The following STK3 variants were observed in gnomAD, a reference collection of about 807,000 sequenced individuals.
STK3 encodes serine/threonine kinase 3, also known as serine/threonine-protein kinase 3.
A neutral mutation model predicts 58.0 loss-of-function variants in STK3; 41 were observed. The observed-to-expected ratio is 0.71, with a 90% CI of 0.55 to 0.92. STK3 has a LOEUF of 0.92. STK3 is among the 40% of genes least tolerant of loss of function. STK3 has a pLI of 0.00. For missense variants in STK3, 479 were observed against 602.7 expected, an observed-to-expected ratio of 0.79 and a Z score of 2.15; for synonymous variants, 170 against 191.0, an observed-to-expected ratio of 0.89 and a Z score of 0.91.
In STK3 at chr8:98,855,364, T is replaced by C. The variant is rs374767208; in HGVS notation, c.110+28283A>G. ...GTCTAGAAATAAATTTATATATCTA[T>C]GGCCAATCAACTGATTTTTGACAAA... is the stretch of plus-strand genomic sequence containing the variant. On this transcript the variant is annotated intron_variant, in intron 3 of 12. Transcript: ENST00000523601. 1.4e-4 allele frequency among the ~76,000 whole-genome samples: 22 copies of C among 152,318 alleles called. No homozygotes were observed. The East Asian group carries it at 3.3e-3, about 23-fold the overall frequency.
At chr8:98,451,294 C>T (rs1376505960), downstream of STK3, among the ~76,000 whole-genome samples, 2 of 152,144 alleles carry the variant, frequency 1.3e-5, no homozygotes, top group African/African-American at 4.8e-5. Context: ...CACCAAGTCT[C>T]TGCCGTCAGG....
chr8:98,937,661 A>G (rs879517185), intron 1 of STK3, among the ~76,000 whole-genome samples: 4 of 152,198 alleles, frequency 2.6e-5, no homozygotes, highest in Non-Finnish European at 5.9e-5. Flanking sequence ...ACTCAAGAAA[A>G]CTGTTGAAAA....
intron 3 of STK3, among the ~76,000 whole-genome samples, chr8:98,869,710 T>A (rs981498293): frequency 6.6e-5 from 10 of 151,960 alleles, no homozygotes; most frequent in African/African-American, 2.4e-4. Flanking sequence ...TTTATTTTTT[T>A]AAAATTTGAA....
intron 7 of STK3, among the ~76,000 whole-genome samples, chr8:98,582,058 G>C (rs1334497593): frequency 1.3e-5 from 2 of 152,076 alleles, no homozygotes; most frequent in Non-Finnish European, 2.9e-5. Context: ...CAAAATTTAA[G>C]AGGAAATATT....
chr8:98,456,094 T>C, intron 10 of STK3, 94 bp from the exon 11 acceptor site: 2 of 1,225,914 alleles, frequency 1.6e-6, no homozygotes, highest in South Asian at 1.5e-5. Context: ...TAATGAGTTT[T>C]AACATAAATA....
At chr8:98,915,470 A>ATATATATATATATAT (rs1839314010) in intron 1 of STK3, among the ~76,000 whole-genome samples, 3 of 136,134 alleles carry the variant, frequency 2.2e-5, no homozygotes, top group African/African-American at 2.9e-5. Flanking sequence ...ATATATATAT[A>ATATATATATATATAT]GTTCTGTCCT....
chr8:98,465,531 T>G (rs763985882), intron 10 of STK3, among the ~76,000 whole-genome samples: 2 of 152,232 alleles, frequency 1.3e-5, no homozygotes, highest in Non-Finnish European at 2.9e-5. Flanking sequence ...AGTGCATATG[T>G]GTTAATTAAG....
At chr8:98,657,689 T>C (rs1385439487) in intron 6 of STK3, among the ~76,000 whole-genome samples, 2 of 152,064 alleles carry the variant, frequency 1.3e-5, no homozygotes, top group African/African-American at 4.8e-5. Flanking sequence ...TCAGATAAAG[T>C]ACTCAGGATT....
At position 98,940,603 on chromosome 8, in the gene STK3, C is replaced by A. The variant is rs367815123; in HGVS notation, c.-79+1775G>T. 2.3e-4 allele frequency among the ~76,000 whole-genome samples: 35 copies of A among 152,286 alleles called. No homozygotes were observed. The East Asian group carries it at 3.7e-3, about 16-fold the overall frequency. On this transcript the variant is annotated intron_variant, in intron 1 of 1. Transcript: ENST00000519420. ...CTCAGCTCCCGCAGACGCGGGAAGGCCCCCGCGCCATCCGTGGGAGTGGGG... is the reference window on the plus strand; with the variant it reads ...CTCAGCTCCCGCAGACGCGGGAAGGACCCCGCGCCATCCGTGGGAGTGGGG...
At chr8:98,867,134 T>A (rs1837174201) in intron 3 of STK3, among the ~76,000 whole-genome samples, 1 of 152,206 alleles carries the variant, frequency 6.6e-6, no homozygotes, top group Non-Finnish European at 1.5e-5. Flanking sequence ...ATGGGGAAAC[T>A]GGCCTGGCGC....
chr8:98,400,413 G>A (rs1201317816), downstream of STK3, among the ~76,000 whole-genome samples: 4 of 152,200 alleles, frequency 2.6e-5, no homozygotes, highest in Admixed American at 2.0e-4. Flanking sequence ...CACAGCAGGC[G>A]CCTGCCGTAC....
chr8:98,675,951 C>T (rs73277806), intron 6 of STK3, among the ~76,000 whole-genome samples: 2,678 of 151,930 alleles, frequency 0.018, 75 homozygotes, highest in African/African-American at 0.062. Flanking sequence ...AAGGTGGAAA[C>T]AATCGAAGTT....
At chr8:98,602,709 A>G (rs895592378) in intron 6 of STK3, among the ~76,000 whole-genome samples, 8 of 152,190 alleles carry the variant, frequency 5.3e-5, no homozygotes, top group Non-Finnish European at 7.4e-5. Context: ...AAATCCTGCT[A>G]AAGTACAGTA....
At chr8:98,390,089 G>A (rs896020226), upstream of STK3, among the ~76,000 whole-genome samples, 4 of 152,056 alleles carry the variant, frequency 2.6e-5, no homozygotes, top group Admixed American at 2.0e-4. Context: ...TCAATAAACT[G>A]TTTCCAGTCA....
intron 6 of STK3, chr8:98,651,565 C>T (rs1820934008): frequency 6.6e-6 from 1 of 152,578 alleles, no homozygotes; most frequent in Non-Finnish European, 1.5e-5. Context: ...GAAATTCAAA[C>T]CAAAGGCAAA....
chr8:98,394,979 G>A (rs928172446), intron 3 of STK3, among the ~76,000 whole-genome samples: 77 of 152,152 alleles, frequency 5.1e-4, no homozygotes, highest in African/African-American at 1.7e-3. Context: ...CACCATTCTC[G>A]CCTGCCACAT....
chr8:98,527,358 C>T (rs1825827859), intron 9 of STK3, among the ~76,000 whole-genome samples: 1 of 152,028 alleles, frequency 6.6e-6, no homozygotes, highest in South Asian at 2.1e-4. Context: ...GGCATGGTGG[C>T]CTGTAACCTC....
chr8:98,350,671 G>A, the STK3 span, among the ~76,000 whole-genome samples: 1 of 152,232 alleles, frequency 6.6e-6, no homozygotes, highest in Non-Finnish European at 1.5e-5. Context: ...GGCACATCTT[G>A]TGATGGTAGA....
At chr8:98,553,467 A>G (rs923945496) in intron 8 of STK3, 3 of 152,120 alleles carry the variant, frequency 2.0e-5, no homozygotes, top group African/African-American at 7.2e-5. Flanking sequence ...CCTCATTATG[A>G]GGTAATGCCA....
Sources: allele counts gnomAD v4.1 joint callset (sites outside exome capture counted in the v4.1 genomes callset), GRCh38; gene constraint gnomAD v4.1.1; transcripts MANE v1.5; gene names NCBI Gene and HGNC (gene_info 2026-07-23, HGNC 2026-07-21).